NAV2: variants seen among roughly 807,000 people sequenced by gnomAD.
NAV2 encodes the protein neuron navigator 2, also known as helicase, APC down-regulated 1.
A neutral mutation model predicts 223.2 loss-of-function variants in NAV2; 54 were observed. The observed-to-expected ratio is 0.24, with a 90% confidence interval of 0.19 to 0.30. The LOEUF (loss-of-function observed/expected upper bound fraction) is 0.30, where lower values mean the gene tolerates loss of function less well. NAV2 is among the 10% of genes least tolerant of loss of function. The pLI is 1.00. For missense variants in NAV2, 2,806 were observed against 3,147.5 expected, an observed-to-expected ratio of 0.89 and a Z score of 2.60; for synonymous variants, 1,279 against 1,239.3, an observed-to-expected ratio of 1.03 and a Z score of -0.67.
chr11:19,593,573 T>A (rs2046120122), intron 1 of NAV2, among the ~76,000 whole-genome samples: 1 of 152,230 alleles, frequency 6.6e-6, no homozygotes. Context: ...GTGCCATTGT[T>A]GAGTTACATG....
intron 3 of NAV2, among the ~76,000 whole-genome samples, chr11:19,861,820 G>A (rs11025298): frequency 0.14 from 21,705 of 152,214 alleles, 1,601 homozygotes; most frequent in Middle Eastern, 0.16. Context: ...CACAGAATGG[G>A]ATACTGATTG....
At chr11:19,430,438 G>C (rs1041654314) in intron 1 of NAV2, among the ~76,000 whole-genome samples, 2 of 152,164 alleles carry the variant, frequency 1.3e-5, no homozygotes, top group African/African-American at 4.8e-5. Context: ...CAAACCCAGC[G>C]ACCCTCACTG....
chr11:19,619,936 TATAAG>T (rs1185705630), intron 1 of NAV2, among the ~76,000 whole-genome samples: 1 of 152,232 alleles, frequency 6.6e-6, no homozygotes, highest in Non-Finnish European at 1.5e-5. Context: ...TTAATTTTTG[TATAAG>T]GTGTAAGGAA....
chr11:19,353,647 T>C (rs1853451101), intron 1 of NAV2, among the ~76,000 whole-genome samples: 1 of 152,220 alleles, frequency 6.6e-6, no homozygotes, highest in African/African-American at 2.4e-5. Flanking sequence ...ATTTAAGAAA[T>C]GTTCCACATA....
intron 11 of NAV2, among the ~76,000 whole-genome samples, chr11:20,001,293 C>A (rs2052519157): frequency 6.6e-6 from 1 of 152,174 alleles, no homozygotes; most frequent in Non-Finnish European, 1.5e-5. Flanking sequence ...TCCCAAAGGA[C>A]CCCGTGCTAT....
intron 10 of NAV2, among the ~76,000 whole-genome samples, chr11:19,969,950 A>T (rs1002253720): frequency 6.6e-6 from 1 of 151,876 alleles, no homozygotes; most frequent in Non-Finnish European, 1.5e-5. Flanking sequence ...TGTCTCAAAA[A>T]AAAAAAGAAA....
chr11:19,401,338 T>C (rs2702669), intron 1 of NAV2, among the ~76,000 whole-genome samples: 91,048 of 152,136 alleles, frequency 0.6, 27,574 homozygotes, highest in South Asian at 0.69. Flanking sequence ...CAGCCACGAA[T>C]TGCCAGCCTT....
At chr11:19,673,815 A>C (rs1450876233) in intron 1 of NAV2, among the ~76,000 whole-genome samples, 1 of 152,196 alleles carries the variant, frequency 6.6e-6, no homozygotes, top group Non-Finnish European at 1.5e-5. Flanking sequence ...GCTCAGGGGC[A>C]GGGTCCCAGG....
At chr11:19,611,997 T>A (rs1301870519) in intron 1 of NAV2, among the ~76,000 whole-genome samples, 1 of 152,250 alleles carries the variant, frequency 6.6e-6, no homozygotes, top group Non-Finnish European at 1.5e-5. Context: ...GGCATTTCCA[T>A]ACATCTTCTG....
chr11:19,618,016 A>G (rs1294412569), intron 1 of NAV2, among the ~76,000 whole-genome samples: 2 of 152,076 alleles, frequency 1.3e-5, no homozygotes, highest in African/African-American at 4.8e-5. Flanking sequence ...CCATTACTTT[A>G]CGCTATTTTT....
intron 1 of NAV2, among the ~76,000 whole-genome samples, chr11:19,670,189 C>A (rs577872145): frequency 6.6e-6 from 1 of 152,198 alleles, no homozygotes; most frequent in Non-Finnish European, 1.5e-5. Flanking sequence ...TACTCCTTGC[C>A]ACTCACAGCA....
chr11:19,623,706 T>C (rs1390673867), intron 1 of NAV2, among the ~76,000 whole-genome samples: 1 of 152,238 alleles, frequency 6.6e-6, no homozygotes, highest in Non-Finnish European at 1.5e-5. Flanking sequence ...TGCGATGGGT[T>C]CGAACATCCT....
intron 1 of NAV2, among the ~76,000 whole-genome samples, chr11:19,443,310 T>C (rs1851469616): frequency 6.6e-6 from 1 of 152,204 alleles, no homozygotes; most frequent in South Asian, 2.1e-4. Flanking sequence ...TCTGACCTTC[T>C]CAGTGGCCAC....
At chr11:19,597,319 T>A (rs1389597879) in intron 1 of NAV2, among the ~76,000 whole-genome samples, 5 of 152,236 alleles carry the variant, frequency 3.3e-5, no homozygotes, top group Admixed American at 3.3e-4. Flanking sequence ...CTTGACAGTA[T>A]CCCACAGCCA....
At chr11:20,029,954 T>A (rs960424454) in intron 11 of NAV2, among the ~76,000 whole-genome samples, 1 of 152,210 alleles carries the variant, frequency 6.6e-6, no homozygotes, top group East Asian at 1.9e-4. Context: ...TCAATGGAAG[T>A]ATCTTCTAGC....
intron 1 of NAV2, among the ~76,000 whole-genome samples, chr11:19,500,197 G>A (rs1005719915): frequency 2.6e-5 from 4 of 152,108 alleles, no homozygotes; most frequent in Non-Finnish European, 4.4e-5. Flanking sequence ...CTCCTATTCC[G>A]TGGCCATGAG....
chr11:19,933,694 G>C lies in NAV2; in HGVS notation c.1450G>C (p.Gly484Arg). ...GACCAACAAGAAGAGTTCTCTGAAAGGCAATGAGAAAGAGAAGGAGAAACA... is the reference window on the plus strand; with the variant it reads ...GACCAACAAGAAGAGTTCTCTGAAACGCAATGAGAAAGAGAAGGAGAAACA... ...ALTNKKSSLK[G>R]NEKEKEKQQR... The change falls in exon 7 of 38, where the codon GGC becomes CGC. Residue 484 changes from glycine (G) to arginine (R), a missense_variant. Coordinates refer to ENST00000349880, the MANE Select transcript of NAV2 (RefSeq NM_145117.5). The surrounding 1 kb of genome is among the most constrained non-coding windows in gnomAD (Gnocchi z 4.3). The C allele has an allele frequency of 6.2e-7, 1 of 1,614,170 alleles. No individual in the cohort carries two copies. The highest frequency in any genetic ancestry group is 8.5e-7 in the Non-Finnish European group (1 of 1,180,022).
intron 1 of NAV2, among the ~76,000 whole-genome samples, chr11:19,376,480 G>A (rs1848646077): frequency 6.6e-6 from 1 of 152,206 alleles, no homozygotes; most frequent in Non-Finnish European, 1.5e-5. Flanking sequence ...CTCACCTGCT[G>A]TTATACTGCT....
At chr11:19,601,365 C>T (rs987198537) in intron 1 of NAV2, among the ~76,000 whole-genome samples, 2 of 152,200 alleles carry the variant, frequency 1.3e-5, no homozygotes, top group African/African-American at 4.8e-5. Flanking sequence ...ATTTCTCCTT[C>T]CCTTGCCTCC....
Sources: allele counts gnomAD v4.1 joint callset (sites outside exome capture counted in the v4.1 genomes callset), GRCh38; gene constraint gnomAD v4.1.1; non-coding constraint Gnocchi (gnomAD v3.1); transcripts MANE v1.5; gene names NCBI Gene and HGNC (gene_info 2026-07-23, HGNC 2026-07-21).